Variants in CERS6 observed in about 807,000 individuals in gnomAD.
CERS6 encodes ceramide synthase 6.
Under a neutral mutation model 56.8 loss-of-function variants are expected in CERS6, and 26 were observed. The observed-to-expected ratio is 0.46, with a 90% CI of 0.34 to 0.63. The LOEUF is 0.63. Ranked by LOEUF, CERS6 falls within the 30% of genes least tolerant of loss-of-function variation. The probability of loss-of-function intolerance (pLI) is 0.01; values close to 1 mark genes in which losing one functional copy is unlikely to be tolerated. For missense variants in CERS6, 415 were observed against 467.5 expected, an observed-to-expected ratio of 0.89 and a Z score of 1.04; for synonymous variants, 164 against 173.3, an observed-to-expected ratio of 0.95 and a Z score of 0.42.
At chr2:168,665,753 C>T (rs536384972) in intron 4 of CERS6, among the ~76,000 whole-genome samples, 2 of 152,190 alleles carry the variant, frequency 1.3e-5, no homozygotes, top group African/African-American at 4.8e-5. Context: ...AGTCAGTAAA[C>T]TCTCACTGAA....
chr2:168,724,123 T>G (rs1683271088), intron 8 of CERS6, among the ~76,000 whole-genome samples: 1 of 152,026 alleles, frequency 6.6e-6, no homozygotes, highest in Non-Finnish European at 1.5e-5. Flanking sequence ...CTTCTGATGT[T>G]TGGATGTGTT....
At chr2:168,690,898 T>C in intron 4 of CERS6, 136 bp from the exon 5 acceptor site, 1 of 714,234 alleles carries the variant, frequency 1.4e-6, no homozygotes, top group Non-Finnish European at 2.4e-6. Flanking sequence ...TGCCTAGCTG[T>C]TTTAAAGTTT....
At chr2:168,564,223 C>T (rs1328691549) in intron 3 of CERS6, among the ~76,000 whole-genome samples, 5 of 152,150 alleles carry the variant, frequency 3.3e-5, no homozygotes, top group Admixed American at 3.3e-4. Flanking sequence ...TCTAAGGCAT[C>T]GTTCTGCGGG....
chr2:168,661,565 G>A (rs1685629353), intron 4 of CERS6, among the ~76,000 whole-genome samples: 1 of 152,200 alleles, frequency 6.6e-6, no homozygotes, highest in Non-Finnish European at 1.5e-5. Context: ...TGGTTCATTA[G>A]TAGTTCAGAG....
intron 8 of CERS6, among the ~76,000 whole-genome samples, chr2:168,740,309 C>G (rs1206113810): frequency 6.6e-6 from 1 of 152,120 alleles, no homozygotes; most frequent in African/African-American, 2.4e-5. Flanking sequence ...TAAATACATG[C>G]TATGTATTAT....
chr2:168,545,127 A>ACG (rs1434519043), intron 1 of CERS6, among the ~76,000 whole-genome samples: 80 of 152,138 alleles, frequency 5.3e-4, no homozygotes, highest in Non-Finnish European at 7.8e-4. Flanking sequence ...GTAGAAACAC[A>ACG]CACATGTATT....
intron 1 of CERS6, among the ~76,000 whole-genome samples, chr2:168,477,002 G>A (rs1694083520): frequency 6.6e-6 from 1 of 152,062 alleles, no homozygotes; most frequent in African/African-American, 2.4e-5. Context: ...ATAGACTGGT[G>A]GCGTAAACAA....
intron 7 of CERS6, among the ~76,000 whole-genome samples, chr2:168,716,694 T>C (rs551672523): frequency 6.6e-6 from 1 of 152,092 alleles, no homozygotes; most frequent in East Asian, 1.9e-4. Context: ...AAAAGAAAAA[T>C]TTCATGATTT....
intron 4 of CERS6, among the ~76,000 whole-genome samples, chr2:168,634,158 G>A (rs1190454273): frequency 6.6e-6 from 1 of 152,172 alleles, no homozygotes; most frequent in African/African-American, 2.4e-5. Context: ...TAAAGTTACT[G>A]CTGTGTTGGT....
chr2:168,565,704 C>T (rs1191374672), intron 3 of CERS6, among the ~76,000 whole-genome samples: 4 of 152,172 alleles, frequency 2.6e-5, no homozygotes, highest in Non-Finnish European at 4.4e-5. Flanking sequence ...AGCTGTTTAG[C>T]GAGTAAAATG....
chr2:168,675,581 G>C (rs1203509668), intron 4 of CERS6, among the ~76,000 whole-genome samples: 1 of 151,932 alleles, frequency 6.6e-6, no homozygotes, highest in Non-Finnish European at 1.5e-5. Context: ...GCGAGACCCT[G>C]TCTCAAAACA....
chr2:168,654,447 G>T (rs2105320738), intron 4 of CERS6, among the ~76,000 whole-genome samples: 1 of 152,232 alleles, frequency 6.6e-6, no homozygotes, highest in East Asian at 1.9e-4. Flanking sequence ...GGAGGCTGAG[G>T]CACAAGAATC....
intron 1 of CERS6, among the ~76,000 whole-genome samples, chr2:168,513,589 A>G (rs1694833436): frequency 6.6e-6 from 1 of 152,302 alleles, no homozygotes; most frequent in South Asian, 2.1e-4. Flanking sequence ...CAGAGGTGAC[A>G]TGCCATTCTC....
chr2:168,563,713 C>T (rs1695834248), intron 3 of CERS6, among the ~76,000 whole-genome samples: 1 of 152,156 alleles, frequency 6.6e-6, no homozygotes, highest in Non-Finnish European at 1.5e-5. Context: ...AGGAGAATGG[C>T]ATGAACCCGG....
chr2:168,568,742 A>C (rs765632717), intron 3 of CERS6, among the ~76,000 whole-genome samples: 23 of 152,236 alleles, frequency 1.5e-4, no homozygotes, highest in Non-Finnish European at 2.5e-4. Flanking sequence ...TCTGTAAGTC[A>C]TTGACCTGTG....
intron 8 of CERS6, among the ~76,000 whole-genome samples, chr2:168,749,171 T>C (rs147693828): frequency 1.2e-3 from 187 of 152,216 alleles, no homozygotes; most frequent in Non-Finnish European, 1.8e-3. Flanking sequence ...GCTCTAAATA[T>C]CAGGCATCTT....
At chr2:168,514,644 G>C (rs1302009104) in intron 1 of CERS6, among the ~76,000 whole-genome samples, 1 of 152,228 alleles carries the variant, frequency 6.6e-6, no homozygotes, top group Non-Finnish European at 1.5e-5. Flanking sequence ...TTATAGACGA[G>C]AGAGAAGAAC....
chr2:168,755,011 G>A (rs1032231997), intron 8 of CERS6, among the ~76,000 whole-genome samples: 5 of 152,104 alleles, frequency 3.3e-5, no homozygotes, highest in African/African-American at 4.8e-5. Flanking sequence ...AGGCTCACGC[G>A]ATCCCACCTC....
chr2:168,465,501 A>AT (rs1433925342), intron 1 of CERS6, among the ~76,000 whole-genome samples: 2 of 152,196 alleles, frequency 1.3e-5, no homozygotes, highest in African/African-American at 4.8e-5. Flanking sequence ...TTCAACGTGA[A>AT]TTTTGGGGGG....
Sources: gnomAD v4.1 joint callset for allele counts (sites outside exome capture counted in the v4.1 genomes callset) on GRCh38, gnomAD v4.1.1 for gene constraint, MANE v1.5 for transcripts, NCBI Gene and HGNC (gene_info 2026-07-23, HGNC 2026-07-21) for gene names.